Variants in CD63 observed in about 807,000 individuals in gnomAD.
CD63 encodes the protein CD63 antigen.
A neutral mutation model predicts 29.2 loss-of-function variants in CD63; 16 were observed. The ratio of observed to expected loss-of-function variants is 0.55; its 90% confidence interval spans 0.37 to 0.83. The LOEUF is 0.83. CD63 is among the 40% of genes least tolerant of loss of function. The pLI, the probability that CD63 is intolerant of heterozygous loss-of-function variation, is 0.00. For synonymous variants in CD63, 118 were observed against 111.7 expected (o/e 1.06, Z -0.36); for missense variants, 251 against 297.3 (o/e 0.84, Z 1.15).
At chr12:55,725,098 T>C (rs746311610), downstream of CD63, among the ~76,000 whole-genome samples, 6 of 152,124 alleles carry the variant, frequency 3.9e-5, no homozygotes, top group Non-Finnish European at 7.4e-5. Flanking sequence ...CCCTTGAGGA[T>C]TGGCCAGGAA....
chr12:55,729,515 T>C (rs1217123606), upstream of CD63: 1 of 152,556 alleles, frequency 6.6e-6, no homozygotes, highest in African/African-American at 2.4e-5. Context: ...TGCAGACAGC[T>C]GGGGACTGCC....
In CD63 at chr12:55,728,053, G is replaced by C. The variant is rs1252592924; in HGVS notation, c.66+223C>G. On this transcript the variant is annotated intron_variant, in intron 2 of 7. Coordinates refer to ENST00000257857, the MANE Select transcript of CD63 (RefSeq NM_001780.6). This position sits in a 1 kb window ranked among gnomAD's most constrained non-coding sequence, Gnocchi z 4.8. ...CAGACAGGAAGGGCCAGGAGGGATG[G>C]GGGTAGGGGTTGCTGCACACCCAGG... 6.6e-6 allele frequency among the ~76,000 whole-genome samples: 1 copy of C among 151,882 alleles called. No individual in the cohort carries two copies. The highest frequency in any genetic ancestry group is 1.9e-4 in the East Asian group (1 of 5,154).
In CD63 at chr12:55,727,349, A is replaced by G. The variant is rs775885379; in HGVS notation, c.67-10T>C. 1.2e-6 allele frequency: 2 copies of G among 1,608,948 alleles called. No individual in the cohort carries two copies. The highest frequency in any genetic ancestry group is 1.3e-5 in the African/African-American group (1 of 74,768). On this transcript the variant is annotated splice_polypyrimidine_tract_variant and intron_variant, in intron 2 of 7. Coordinates refer to ENST00000257857, the MANE Select transcript of CD63 (RefSeq NM_001780.6). ...GTCCCACTGCACAGGCCTAAGAGAA[A>G]ATCAGGTGAGGATTAGGCCATATCC...
chr12:55,726,331 ATTCTT>A, intron 5 of CD63, 70 bp from the exon 6 acceptor site: 2 of 555,254 alleles, frequency 3.6e-6, no homozygotes, highest in South Asian at 2.3e-5. Context: ...GGAGATGAGA[ATTCTT>A]TTTTTTTTTT....
At chr12:55,729,219 C>T (rs1318301657), upstream of CD63, 18 of 874,250 alleles carry the variant, frequency 2.1e-5, no homozygotes, top group Non-Finnish European at 2.5e-5. Flanking sequence ...CGCCCACCCC[C>T]GCAAAGGGAA....
rs1318236164 is a variant in CD63, at chr12:55,725,509, T to C, written c.*52A>G. 1 of 1,405,726 alleles carries C rather than the reference T, an allele frequency of 7.1e-7. No homozygotes were observed. Among genetic ancestry groups the C allele is most frequent in the African/African-American group, 1.4e-5 (1 of 70,586 alleles). The allele number at this position is 1,405,726 out of a possible 1,614,324, so 87.1% of individuals were successfully genotyped here. On this transcript the variant is annotated 3_prime_UTR_variant, in exon 8 of 8. Coordinates refer to ENST00000257857, the MANE Select transcript of CD63 (RefSeq NM_001780.6). ...AAATAATCCGTTTAATTGAAAAACC[T>C]GGAGGATACTATTCCACTCCCCCAG...
At chr12:55,724,661 G>T, downstream of CD63, 1 of 1,003,976 alleles carries the variant, frequency 1.0e-6, no homozygotes, top group South Asian at 1.4e-5. Context: ...AAAGTGTATT[G>T]TTTAAAAAAT....
downstream of CD63, among the ~76,000 whole-genome samples, chr12:55,724,978 G>A (rs1266985939): frequency 1.3e-5 from 2 of 152,188 alleles, no homozygotes; most frequent in African/African-American, 4.8e-5. Context: ...TCTGGGCCAG[G>A]CTGGGTGGCT....
chr12:55,727,555 A>G (rs2136152831), intron 2 of CD63: 2 of 1,299,636 alleles, frequency 1.5e-6, no homozygotes, highest in East Asian at 2.9e-5. Flanking sequence ...AATCAGGGAC[A>G]TGACCAAATT....
chr12:55,727,006 A>T (rs911416050), intron 3 of CD63, 42 bp from the exon 4 acceptor site: 23 of 1,601,218 alleles, frequency 1.4e-5, no homozygotes, highest in Non-Finnish European at 1.8e-5. Context: ...GAGTCTATGC[A>T]TTACAGGGGC....
chr12:55,727,296 A>G lies in CD63; in HGVS notation c.110T>C (p.Leu37Pro), dbSNP rs1466064985. The G allele has an allele frequency of 1.9e-6, 3 of 1,613,842 alleles. No homozygotes were observed. The highest frequency in any genetic ancestry group is 2.5e-6 in the Non-Finnish European group (3 of 1,179,986). ...CTGGATTATGGTCTGACTCAGGACA[A>G]GCTGTGCCCCGACACCCACGGCAAT... Reference protein sequence around the residue: ...GLIAVGVGAQLVLSQTIIQGA... With the variant: ...GLIAVGVGAQPVLSQTIIQGA... Residue 37 changes from leucine to proline, a missense_variant, in exon 3 of 8, where the codon CTT (leucine) becomes CCT (proline). Leu to Pro is a moderately conservative substitution (Grantham distance 98). Coordinates refer to ENST00000257857, the MANE Select transcript of CD63 (RefSeq NM_001780.6).
intron 2 of CD63, chr12:55,727,653 A>T: frequency 6.3e-6 from 7 of 1,119,198 alleles, no homozygotes; most frequent in Non-Finnish European, 7.7e-6. Context: ...CTCCCAGCTC[A>T]ATTCTCTCCC....
chr12:55,728,169 A>G lies in CD63; in HGVS notation c.66+107T>C, dbSNP rs925892149. The G allele has an allele frequency of 1.9e-6, 2 of 1,052,416 alleles. No homozygotes were observed. The allele number at this position is 1,052,416 out of a possible 1,614,324, so 65.2% of individuals were successfully genotyped here. Reference sequence around the variant, plus strand: ...TGTCTTTCCCTGGCTTTCTTTCCACATCTGGTCTCCAGCTGCCTTAATTCT... The same window carrying G: ...TGTCTTTCCCTGGCTTTCTTTCCACGTCTGGTCTCCAGCTGCCTTAATTCT... On this transcript the variant is annotated intron_variant, in intron 2 of 7. Coordinates refer to ENST00000257857, the MANE Select transcript of CD63 (RefSeq NM_001780.6). This position sits in a 1 kb window ranked among gnomAD's most constrained non-coding sequence, Gnocchi z 4.8.
chr12:55,725,963 G>T, intron 6 of CD63, 67 bp from the exon 7 acceptor site: 2 of 1,504,726 alleles, frequency 1.3e-6, no homozygotes, highest in South Asian at 1.2e-5. Flanking sequence ...CCCTCCCTTG[G>T]TCCATCAGTC....
chr12:55,725,389 A>G lies in CD63; in HGVS notation c.*172T>C, dbSNP rs1349595103. 1 of 639,172 alleles carries G rather than the reference A, an allele frequency of 1.6e-6. No individual in the cohort carries two copies. The highest frequency in any genetic ancestry group is 2.7e-5 in the Admixed American group (1 of 36,632). 39.6% of individuals were successfully genotyped at this position (639,172 alleles called of 1,614,324 possible). On this transcript the variant is annotated 3_prime_UTR_variant, in exon 8 of 8. Coordinates refer to ENST00000257857, the MANE Select transcript of CD63 (RefSeq NM_001780.6). ...AAAATAGACCTCGAAGTACACATGC[A>G]TTAAGGTCCCAGAGGACAGGGAACA...
chr12:55,728,137 G>A lies in CD63; in HGVS notation c.66+139C>T. Reference sequence around the variant, plus strand: ...TCCAGGAAAACTGGAGGAGGGAGTGGCTGCGCTGTCTTTCCCTGGCTTTCT... The same window carrying A: ...TCCAGGAAAACTGGAGGAGGGAGTGACTGCGCTGTCTTTCCCTGGCTTTCT... On this transcript the variant is annotated intron_variant, in intron 2 of 7. Coordinates refer to ENST00000257857, the MANE Select transcript of CD63 (RefSeq NM_001780.6). The surrounding 1 kb of genome is among the most constrained non-coding windows in gnomAD (Gnocchi z 4.8). 1.2e-6 allele frequency: 1 copy of A among 859,864 alleles called. No homozygotes were observed. The highest frequency in any genetic ancestry group is 1.8e-6 in the Non-Finnish European group (1 of 543,114). The allele number at this position is 859,864 out of a possible 1,614,324, so 53.3% of individuals were successfully genotyped here. A position where few individuals can be genotyped will look rare whatever the true frequency, so the allele number is the denominator to read the frequency against.
chr12:55,723,981 T>C (rs753712247), downstream of CD63: 3 of 1,613,984 alleles, frequency 1.9e-6, no homozygotes, highest in Middle Eastern at 1.6e-4. Flanking sequence ...GAGAAAACCC[T>C]GCAGGCCTGC....
At position 55,727,204 on chromosome 12, in the gene CD63, C is replaced by G; in HGVS notation, c.202G>C (p.Ala68Pro). The G allele has an allele frequency of 6.2e-7, 1 of 1,613,850 alleles. No individual in the cohort carries two copies. Among genetic ancestry groups the G allele is most frequent in the Non-Finnish European group, 8.5e-7 (1 of 1,180,024 alleles). ...CAGGCCCCGCAGCAGCCCACAAAAG[C>G]CACCAGGAAGAGGAAGACACCCACT... ...IAVGVFLFLV[A>P]FVGCCGACKE... Residue 68 changes from alanine (A) to proline (P), a missense_variant, in exon 3 of 8, where the codon GCT (alanine) becomes CCT (proline). Transcript: ENST00000257857.
chr12:55,728,583 G>C lies in CD63; in HGVS notation c.-11-231C>G. The C allele has an allele frequency of 7.2e-7, 1 of 1,395,046 alleles. No individual in the cohort carries two copies. Among genetic ancestry groups the C allele is most frequent in the East Asian group, 2.7e-5 (1 of 36,644 alleles). 86.4% of individuals were successfully genotyped at this position (1,395,046 alleles called of 1,614,324 possible). ...CCGCCCCGCCGCCTCTGGGGCCCAG[G>C]ACAGATCCAAGGGCGCCGGCAGGGG... On this transcript the variant is annotated intron_variant, in intron 1 of 7. Coordinates refer to ENST00000257857, the MANE Select transcript of CD63 (RefSeq NM_001780.6). This position sits in a 1 kb window ranked among gnomAD's most constrained non-coding sequence, Gnocchi z 4.8.
Sources: allele counts gnomAD v4.1 joint callset (sites outside exome capture counted in the v4.1 genomes callset), GRCh38; gene constraint gnomAD v4.1.1; non-coding constraint Gnocchi (gnomAD v3.1); transcripts MANE v1.5; gene names NCBI Gene and HGNC (gene_info 2026-07-23, HGNC 2026-07-21).